The following DMTF1 variants were observed in gnomAD, a reference collection of about 807,000 sequenced individuals.
DMTF1 encodes cyclin-D-binding Myb-like transcription factor 1.
In DMTF1, 39 loss-of-function variants were observed where a neutral mutation model predicts 91.1. That is an observed-to-expected ratio of 0.43 (90% CI 0.33 to 0.56). The LOEUF (loss-of-function observed/expected upper bound fraction) is 0.56. Ranked by LOEUF, DMTF1 falls within the 20% of genes least tolerant of loss-of-function variation. The pLI, the probability that DMTF1 is intolerant of heterozygous loss-of-function variation, is 0.05. For synonymous variants in DMTF1, 338 were observed against 309.5 expected, an observed-to-expected ratio of 1.09 and a Z score of -0.97; for missense variants, 750 against 914.5, an observed-to-expected ratio of 0.82 and a Z score of 2.32.
chr7:87,187,785 C>A lies in DMTF1; in HGVS notation c.1202-307C>A, dbSNP rs537717204. ...CCAGTATTCTTCCTAAATAATAATC[C>A]TATCAAGACACCCTAGAATAGAAAA... On this transcript the variant is annotated intron_variant, in intron 12 of 17. Transcript: ENST00000331242. The A allele has an allele frequency of 9.0e-6, 3 of 333,052 alleles. No homozygotes were observed. In the East Asian group the frequency reaches 2.0e-4, roughly 22 times the overall value. The allele number at this position is 333,052 out of a possible 1,614,324, so 20.6% of individuals were successfully genotyped here.
intron 7 of DMTF1, among the ~76,000 whole-genome samples, chr7:87,177,119 G>A (rs1211435366): frequency 1.3e-5 from 2 of 152,096 alleles, no homozygotes; most frequent in East Asian, 1.9e-4. Context: ...ACATTCAAAA[G>A]TGTATAAAAT....
At chr7:87,153,655 A>C (rs1395754028) in intron 1 of DMTF1, among the ~76,000 whole-genome samples, 2 of 152,122 alleles carry the variant, frequency 1.3e-5, no homozygotes, top group Non-Finnish European at 2.9e-5. Flanking sequence ...GGATTTGATT[A>C]TGTGTGCCTC....
In DMTF1 at chr7:87,196,096, C is replaced by G. The variant is rs1023677860; in HGVS notation, c.*956C>G. Reference sequence around the variant, plus strand: ...TTCCTGTACTACAGAAGGGTTAAGGCAAAGGTAGCCTTTTGGGCTTTTTAA... The same window carrying G: ...TTCCTGTACTACAGAAGGGTTAAGGGAAAGGTAGCCTTTTGGGCTTTTTAA... On this transcript the variant is annotated 3_prime_UTR_variant, in exon 18 of 18. Transcript: ENST00000331242. 1.3e-5 allele frequency: 2 copies of G among 152,420 alleles called. No homozygotes were observed. Among genetic ancestry groups the G allele is most frequent in the African/African-American group, 4.8e-5 (2 of 41,340 alleles). The allele number at this position is 152,420 out of a possible 1,614,324, so 9.4% of individuals were successfully genotyped here.
chr7:87,186,005 C>T (rs1364253642), intron 12 of DMTF1, 25 bp downstream of exon 12: 5 of 1,612,790 alleles, frequency 3.1e-6, no homozygotes, highest in African/African-American at 1.3e-5. Flanking sequence ...ACTTTTTAAG[C>T]TCCTCCCCTT....
intron 1 of DMTF1, 154 bp from the exon 2 acceptor site, chr7:87,163,340 TC>T (rs1289535572): frequency 1.3e-5 from 2 of 152,220 alleles, no homozygotes; most frequent in Non-Finnish European, 2.9e-5. Context: ...GAGGCCAGTT[TC>T]CAAAAATTCT....
At chr7:87,181,257 T>A in intron 8 of DMTF1, 52 bp from the exon 9 acceptor site, 1 of 847,606 alleles carries the variant, frequency 1.2e-6, no homozygotes. Flanking sequence ...TATTGAGGTT[T>A]TTAGCATTCA....
intron 1 of DMTF1, chr7:87,155,572 G>C (rs1434408687): frequency 9.2e-5 from 14 of 152,090 alleles, no homozygotes; most frequent in Non-Finnish European, 2.9e-5. Flanking sequence ...AAATGTATGT[G>C]GCGTTTGTTT....
At chr7:87,166,148 C>G (rs940211654) in intron 3 of DMTF1, among the ~76,000 whole-genome samples, 3 of 152,222 alleles carry the variant, frequency 2.0e-5, no homozygotes, top group Non-Finnish European at 2.9e-5. Flanking sequence ...GCAGATCACA[C>G]TATCTTTATT....
chr7:87,181,569 G>A (rs1797390077), intron 9 of DMTF1, among the ~76,000 whole-genome samples: 1 of 152,112 alleles, frequency 6.6e-6, no homozygotes, highest in Non-Finnish European at 1.5e-5. Flanking sequence ...TGCTTCCTCA[G>A]ACCACTAATA....
At chr7:87,167,228 C>G (rs768481061) in intron 4 of DMTF1, among the ~76,000 whole-genome samples, 8 of 152,136 alleles carry the variant, frequency 5.3e-5, no homozygotes, top group Non-Finnish European at 1.0e-4. Flanking sequence ...TTAGTTTATT[C>G]TTACCGAGAA....
At chr7:87,179,844 A>G in intron 8 of DMTF1, 142 bp downstream of exon 8, 1 of 733,702 alleles carries the variant, frequency 1.4e-6, no homozygotes. Flanking sequence ...TGTTGTGAAT[A>G]TGGTGAAACC....
Position 87,152,467 on chromosome 7 carries a change from C to A in DMTF1, c.-220C>A, listed in dbSNP as rs979237981. The A allele has an allele frequency of 4.6e-5, 7 of 153,654 alleles. No homozygotes were observed. The highest frequency in any genetic ancestry group is 1.2e-4 in the African/African-American group (5 of 41,490). The allele number at this position is 153,654 out of a possible 1,614,324, so 9.5% of individuals were successfully genotyped here. A position where few individuals can be genotyped will look rare whatever the true frequency, so the allele number is the denominator to read the frequency against. ...CGCGCTCGCTCACTCCAGCTGCAGCCACTCTCGCCCGTGGCTGCTTCCTCC... is the reference window on the plus strand; with the variant it reads ...CGCGCTCGCTCACTCCAGCTGCAGCAACTCTCGCCCGTGGCTGCTTCCTCC... On this transcript the variant is annotated 5_prime_UTR_variant, in exon 1 of 18. Transcript: ENST00000331242.
At chr7:87,172,638 C>G (rs967398919) in intron 5 of DMTF1, among the ~76,000 whole-genome samples, 9 of 152,138 alleles carry the variant, frequency 5.9e-5, no homozygotes, top group Admixed American at 1.3e-4. Flanking sequence ...ATTGCTTAGT[C>G]TTTTTTTAGC....
chr7:87,195,048 C>T lies in DMTF1; in HGVS notation c.2191C>T (p.His731Tyr). The T allele has an allele frequency of 6.2e-7, 1 of 1,611,594 alleles. No individual in the cohort carries two copies. Among genetic ancestry groups the T allele is most frequent in the Non-Finnish European group, 8.5e-7 (1 of 1,178,398 alleles). ...TTLTDPILQHHQEESNIIGSS... is the reference protein window; with the variant it reads ...TTLTDPILQHYQEESNIIGSS... ...CATTACAGATCCCATACTCCAACAT[C>T]ATCAGGAAGAATCAAATATCATTGG... Residue 731 changes from histidine to tyrosine, a missense_variant, in exon 18 of 18, where the codon CAT becomes TAT. Transcript: ENST00000331242.
At chr7:87,186,075 A>G in intron 12 of DMTF1, 95 bp downstream of exon 12, 12 of 1,339,656 alleles carry the variant, frequency 9.0e-6, no homozygotes, top group Admixed American at 1.9e-5. Context: ...CCAGCTAGAG[A>G]TATCATAGCA....
Position 87,188,300 on chromosome 7 carries a change from T to G in DMTF1, c.1410T>G (p.Val470=), listed in dbSNP as rs143042900. Residue 470 remains valine, a splice_region_variant and synonymous_variant, in exon 13 of 18, where the codon GTT becomes GTG. Coordinates refer to ENST00000331242, the MANE Select transcript of DMTF1 (RefSeq NM_001142327.2). ...ALQIPVQITH[V]SSADSPATVD... is the part of the protein sequence containing the mutation. ...AGATTCCAGTCCAGATCACCCATGTTTGTAAGTGTTTGATCTTCAAGATTC... is the reference window on the plus strand; with the variant it reads ...AGATTCCAGTCCAGATCACCCATGTGTGTAAGTGTTTGATCTTCAAGATTC... 1.0e-4 allele frequency: 168 copies of G among 1,613,744 alleles called. 1 individual carries two copies. The East Asian group carries it at 3.7e-3, about 36-fold the overall frequency.
chr7:87,186,055 G>GT, intron 12 of DMTF1, 75 bp downstream of exon 12: 1 of 1,515,512 alleles, frequency 6.6e-7, no homozygotes, highest in Non-Finnish European at 9.1e-7. Context: ...GAGGTTAGAA[G>GT]TTCTTTGCCC....
chr7:87,153,291 A>G (rs971096007), intron 1 of DMTF1, among the ~76,000 whole-genome samples: 1 of 152,166 alleles, frequency 6.6e-6, no homozygotes, highest in African/African-American at 2.4e-5. Flanking sequence ...GAGCACGGAA[A>G]ATGCGGCTGT....
At chr7:87,182,390 C>T (rs1460061561) in intron 10 of DMTF1, 53 bp downstream of exon 10, 3 of 1,563,158 alleles carry the variant, frequency 1.9e-6, no homozygotes, top group Non-Finnish European at 2.6e-6. Flanking sequence ...AGCCTCCTGC[C>T]CCTTAGGATA....
Sources: allele counts gnomAD v4.1 joint callset (sites outside exome capture counted in the v4.1 genomes callset), GRCh38; gene constraint gnomAD v4.1.1; transcripts MANE v1.5; gene names NCBI Gene and HGNC (gene_info 2026-07-23, HGNC 2026-07-21).